HYCC2: variants seen among roughly 807,000 people sequenced by gnomAD.
HYCC2 encodes the protein hyccin PI4KA lipid kinase complex subunit 2.
At chr2:200,990,093 T>C in the HYCC2 span, among the ~76,000 whole-genome samples, 1 of 152,182 alleles carries the variant, frequency 6.6e-6, no homozygotes, top group South Asian at 2.1e-4. Flanking sequence ...AAATATATAA[T>C]CTCATCAAGT....
chr2:201,068,211 C>G, the HYCC2 span, among the ~76,000 whole-genome samples: 5 of 151,880 alleles, frequency 3.3e-5, no homozygotes, highest in Admixed American at 2.0e-4. Context: ...GGCTTGAACC[C>G]GGGAGGCAGA....
chr2:201,057,910 T>C, the HYCC2 span, among the ~76,000 whole-genome samples: 2 of 152,190 alleles, frequency 1.3e-5, no homozygotes. Flanking sequence ...TTTGGCTAAA[T>C]GGCCTTTGTA....
chr2:200,988,998 G>T, the HYCC2 span, among the ~76,000 whole-genome samples: 1 of 152,202 alleles, frequency 6.6e-6, no homozygotes, highest in African/African-American at 2.4e-5. Context: ...AAGCAGCCTG[G>T]ATAGGTGTGC....
the HYCC2 span, among the ~76,000 whole-genome samples, chr2:201,015,661 T>C: frequency 3.3e-5 from 5 of 152,330 alleles, no homozygotes; most frequent in African/African-American, 1.2e-4. Flanking sequence ...AACCCTCTAA[T>C]TGCTTTAAAG....
the HYCC2 span, among the ~76,000 whole-genome samples, chr2:201,049,621 G>A: frequency 6.6e-6 from 1 of 151,870 alleles, no homozygotes; most frequent in Non-Finnish European, 1.5e-5. Flanking sequence ...CCAAAGTGCT[G>A]AGATTACAGG....
chr2:200,988,201 T>C, the HYCC2 span: 12 of 1,452,068 alleles, frequency 8.3e-6, no homozygotes, highest in Non-Finnish European at 1.0e-5. Context: ...TAAGACAGTC[T>C]GTAAAAACAG....
the HYCC2 span, among the ~76,000 whole-genome samples, chr2:200,983,053 C>A: frequency 6.6e-6 from 1 of 152,094 alleles, no homozygotes; most frequent in Non-Finnish European, 1.5e-5. Context: ...CCACCGCGCC[C>A]GGCCAACAAC....
the HYCC2 span, among the ~76,000 whole-genome samples, chr2:201,024,621 T>C: frequency 2.0e-5 from 3 of 152,200 alleles, no homozygotes; most frequent in Non-Finnish European, 4.4e-5. Flanking sequence ...AAGTTGCACA[T>C]TATCCAGACA....
At chr2:200,981,708 C>A in the HYCC2 span, 1 of 1,614,128 alleles carries the variant, frequency 6.2e-7, no homozygotes, top group East Asian at 2.2e-5. This position sits in a 1 kb window ranked among gnomAD's most constrained non-coding sequence, Gnocchi z 4.5. Flanking sequence ...TTTCTTTATC[C>A]TTGGCTGAAC....
At chr2:201,045,952 CTT>C in the HYCC2 span, among the ~76,000 whole-genome samples, 1 of 152,026 alleles carries the variant, frequency 6.6e-6, no homozygotes, top group African/African-American at 2.4e-5. Flanking sequence ...AGTGATTTTT[CTT>C]TCTCTCTCTC....
At chr2:201,012,997 C>T in the HYCC2 span, among the ~76,000 whole-genome samples, 14 of 151,166 alleles carry the variant, frequency 9.3e-5, no homozygotes, top group African/African-American at 3.2e-4. Context: ...CTACAGATGA[C>T]GACAATCAGA....
chr2:201,053,740 G>A, the HYCC2 span, among the ~76,000 whole-genome samples: 3 of 152,014 alleles, frequency 2.0e-5, no homozygotes, highest in African/African-American at 7.2e-5. Flanking sequence ...TGAGGCGGGT[G>A]GATCACGAGG....
the HYCC2 span, among the ~76,000 whole-genome samples, chr2:200,993,569 T>A: frequency 6.6e-6 from 1 of 152,202 alleles, no homozygotes; most frequent in South Asian, 2.1e-4. Context: ...ATAATTATAA[T>A]AGTGAGTCCA....
At chr2:201,071,007 A>T in the HYCC2 span, among the ~76,000 whole-genome samples, 40 of 152,272 alleles carry the variant, frequency 2.6e-4, no homozygotes, top group African/African-American at 9.6e-4. Flanking sequence ...TGCCAATGTA[A>T]ATGGCACTCA....
the HYCC2 span, among the ~76,000 whole-genome samples, chr2:201,039,217 G>A: frequency 2.6e-5 from 4 of 151,964 alleles, no homozygotes; most frequent in African/African-American, 4.8e-5. Flanking sequence ...TGTAATTAAC[G>A]TTATTTGTTT....
the HYCC2 span, among the ~76,000 whole-genome samples, chr2:201,012,723 T>C: frequency 6.6e-6 from 1 of 151,220 alleles, no homozygotes; most frequent in African/African-American, 2.4e-5. Flanking sequence ...GGCGGGTAGA[T>C]CACCTGAGGT....
chr2:201,005,337 T>G, the HYCC2 span, among the ~76,000 whole-genome samples: 1 of 152,192 alleles, frequency 6.6e-6, no homozygotes, highest in Non-Finnish European at 1.5e-5. Flanking sequence ...ATCATTACTA[T>G]TCTGTTATTC....
At chr2:201,041,795 G>C in the HYCC2 span, among the ~76,000 whole-genome samples, 5 of 152,240 alleles carry the variant, frequency 3.3e-5, 1 homozygote, top group African/African-American at 1.2e-4. Context: ...CATATATATA[G>C]TCAATGAACC....
chr2:201,001,038 T>G, the HYCC2 span, among the ~76,000 whole-genome samples: 4 of 150,606 alleles, frequency 2.7e-5, no homozygotes, highest in East Asian at 7.8e-4. Flanking sequence ...TTCAAGTGGC[T>G]GAGGCAGGAG....
Sources: gnomAD v4.1 joint callset for allele counts (sites outside exome capture counted in the v4.1 genomes callset) on GRCh38, gnomAD v4.1.1 for gene constraint, Gnocchi (gnomAD v3.1) non-coding constraint, MANE v1.5 for transcripts, NCBI Gene and HGNC (gene_info 2026-07-23, HGNC 2026-07-21) for gene names.